Variants in NUP205 observed in about 807,000 individuals in gnomAD.
NUP205 encodes the protein nuclear pore complex protein Nup205.
A neutral mutation model predicts 253.8 loss-of-function variants in NUP205; 76 were observed. The ratio of observed to expected loss-of-function variants is 0.30; its 90% CI spans 0.25 to 0.36. The LOEUF is 0.36. NUP205 is among the 10% of genes least tolerant of loss of function. The pLI is 1.00. For missense variants in NUP205, 2,162 were observed against 2,425.5 expected (o/e 0.89, Z 2.28); for synonymous variants, 832 against 850.1 (o/e 0.98, Z 0.37).
rs772675191 is a variant in NUP205 at position 135,600,537 on chromosome 7, G to A, written c.2275-333G>A. Among the ~76,000 whole-genome samples, 38 of 152,150 alleles carry A rather than the reference G, an allele frequency of 2.5e-4. 1 individual carries two copies. The highest frequency in any genetic ancestry group is 8.8e-5 in the Non-Finnish European group (6 of 68,020). On this transcript the variant is annotated intron_variant, in intron 15 of 42. Coordinates refer to ENST00000285968, the MANE Select transcript of NUP205 (RefSeq NM_015135.3). Reference sequence around the variant, plus strand: ...AGAAAATGTGAAATGTTTGGCACTTGAAAAGTGTCCAAATTTGATGTTTAA... The same window carrying A: ...AGAAAATGTGAAATGTTTGGCACTTAAAAAGTGTCCAAATTTGATGTTTAA...
At chr7:135,625,655 A>G (rs537089947) in intron 32 of NUP205, among the ~76,000 whole-genome samples, 3 of 152,204 alleles carry the variant, frequency 2.0e-5, no homozygotes, top group Non-Finnish European at 4.4e-5. Context: ...TCACAATACA[A>G]TTTAGACTAT....
intron 16 of NUP205, 128 bp from the exon 17 acceptor site, chr7:135,601,242 T>C: frequency 1.2e-6 from 1 of 844,028 alleles, no homozygotes; most frequent in South Asian, 1.9e-5. Context: ...GCTGTGTCTC[T>C]AAATTGAAAC....
At chr7:135,570,461 C>T (rs147048176) in intron 1 of NUP205, among the ~76,000 whole-genome samples, 1,567 of 151,542 alleles carry the variant, frequency 0.01, 29 homozygotes, top group African/African-American at 0.036. Context: ...GTAATCTGTC[C>T]GCCTTGGCCT....
At chr7:135,566,940 A>T (rs1447959160) in intron 1 of NUP205, among the ~76,000 whole-genome samples, 1 of 150,562 alleles carries the variant, frequency 6.6e-6, no homozygotes, top group Non-Finnish European at 1.5e-5. Context: ...GTTTCACCAT[A>T]TTGGCCAGGT....
chr7:135,626,057 G>C (rs1357027815), intron 32 of NUP205, among the ~76,000 whole-genome samples, 183 bp from the exon 33 acceptor site: 1 of 152,178 alleles, frequency 6.6e-6, no homozygotes, highest in East Asian at 1.9e-4. Flanking sequence ...CTTTAGATAT[G>C]TTGAACACTG....
intron 8 of NUP205, among the ~76,000 whole-genome samples, 188 bp downstream of exon 8, chr7:135,585,195 A>T (rs1458335451): frequency 6.6e-6 from 1 of 152,140 alleles, no homozygotes; most frequent in Non-Finnish European, 1.5e-5. Context: ...TCTCTACAAG[A>T]TATGAGAACA....
rs1434983129 is a variant in NUP205 at position 135,589,794 on chromosome 7, A to G, written c.1474-1656A>G. Among the ~76,000 whole-genome samples the G allele has an allele frequency of 4.0e-5, 6 of 151,074 alleles. 1 individual carries two copies. The highest frequency in any genetic ancestry group is 9.7e-5 in the African/African-American group (4 of 41,116). On this transcript the variant is annotated intron_variant, in intron 10 of 42. Coordinates refer to ENST00000285968, the MANE Select transcript of NUP205 (RefSeq NM_015135.3). ...AAAATATTTTAAAAATTAGCCAGAC[A>G]TGGTGGTGCGTACCTATGGCCCCAT...
chr7:135,587,739 T>C, intron 9 of NUP205, 48 bp downstream of exon 9: 1 of 1,524,644 alleles, frequency 6.6e-7, no homozygotes, highest in South Asian at 1.2e-5. Flanking sequence ...CCTTTCATTA[T>C]TTTTTCCCCT....
At chr7:135,578,678 G>C in intron 6 of NUP205, 73 bp from the exon 7 acceptor site, 1 of 1,104,904 alleles carries the variant, frequency 9.1e-7, no homozygotes, top group Non-Finnish European at 1.3e-6. Context: ...CTGACTTTTG[G>C]ATATTATTCC....
intron 38 of NUP205, among the ~76,000 whole-genome samples, chr7:135,639,496 C>G (rs1794878945): frequency 6.6e-6 from 1 of 152,026 alleles, no homozygotes. Context: ...TCAAGACCAG[C>G]CTGGCCAACA....
At chr7:135,563,335 ATG>A (rs1554454825) in intron 1 of NUP205, among the ~76,000 whole-genome samples, 2 of 151,938 alleles carry the variant, frequency 1.3e-5, no homozygotes, top group Non-Finnish European at 2.9e-5. Context: ...CTACAGGCGC[ATG>A]CCATCACGCC....
intron 32 of NUP205, 118 bp downstream of exon 32, chr7:135,625,473 CT>C: frequency 1.3e-5 from 10 of 771,654 alleles, no homozygotes; most frequent in South Asian, 2.5e-5. Flanking sequence ...AGCTGGAATC[CT>C]TTTTTAAGGA....
At chr7:135,569,498 A>G (rs1016503963) in intron 1 of NUP205, among the ~76,000 whole-genome samples, 2 of 151,936 alleles carry the variant, frequency 1.3e-5, no homozygotes, top group African/African-American at 4.8e-5. Flanking sequence ...TTTACTGGTT[A>G]GGGCACACTC....
At chr7:135,611,232 A>G (rs1794228476) in intron 22 of NUP205, among the ~76,000 whole-genome samples, 1 of 151,594 alleles carries the variant, frequency 6.6e-6, no homozygotes, top group South Asian at 2.1e-4. Context: ...GTGGTCTCAA[A>G]CTCCTGACCT....
chr7:135,645,424 A>G (rs779134834), intron 40 of NUP205, 44 bp from the exon 41 acceptor site: 2 of 1,593,836 alleles, frequency 1.3e-6, no homozygotes, highest in African/African-American at 1.4e-5. Flanking sequence ...TGTGTAAAAC[A>G]TATTTGATGA....
chr7:135,578,857 T>A lies in NUP205; in HGVS notation c.984T>A (p.Thr328=). ...GGAAACTGCCTGGGCTCCAAGCCACTGTTAGACTTGCCTGGGCGCTGGCAT... is the reference window on the plus strand; with the variant it reads ...GGAAACTGCCTGGGCTCCAAGCCACAGTTAGACTTGCCTGGGCGCTGGCAT... ...QLWKLPGLQA[T]VRLAWALALR... The change falls in exon 7 of 43, where the codon ACT becomes ACA. Residue 328 remains threonine, a synonymous_variant. Transcript: ENST00000285968. The A allele has an allele frequency of 6.2e-7, 1 of 1,611,946 alleles. No homozygotes were observed. The highest frequency in any genetic ancestry group is 8.5e-7 in the Non-Finnish European group (1 of 1,179,406).
intron 31 of NUP205, 37 bp downstream of exon 31, chr7:135,622,962 G>C: frequency 6.2e-7 from 1 of 1,600,360 alleles, no homozygotes; most frequent in Non-Finnish European, 8.5e-7. Flanking sequence ...AATTGAATAA[G>C]TATTTTGACT....
intron 7 of NUP205, among the ~76,000 whole-genome samples, chr7:135,583,844 C>CTTTT (rs756603941): frequency 1.2e-4 from 16 of 138,934 alleles, no homozygotes; most frequent in South Asian, 2.3e-4. Context: ...TTCTTTCTTT[C>CTTTT]TTTTTTTTTT....
At position 135,577,785 on chromosome 7, in the gene NUP205, T is replaced by C. The variant is rs10252250; in HGVS notation, c.649-11T>C. The C allele has an allele frequency of 0.43, 681,868 of 1,596,562 alleles. 149,523 individuals carry two copies. Among genetic ancestry groups the C allele is most frequent in the Middle Eastern group, 0.61 (3,666 of 6,042 alleles). On this transcript the variant is annotated splice_polypyrimidine_tract_variant and intron_variant, in intron 5 of 42. Transcript: ENST00000285968. ...ATTTATTTATACTGATAGTCATGTT[T>C]TTATTTCTAGGTTTCTGATCTCATT...
Sources: allele counts gnomAD v4.1 joint callset (sites outside exome capture counted in the v4.1 genomes callset), GRCh38; gene constraint gnomAD v4.1.1; transcripts MANE v1.5; gene names NCBI Gene and HGNC (gene_info 2026-07-23, HGNC 2026-07-21).